IAPP: variants seen among roughly 807,000 people sequenced by gnomAD.
IAPP encodes the protein islet amyloid polypeptide.
A neutral mutation model predicts 2.9 loss-of-function variants in IAPP; 4 were observed. That is an observed-to-expected ratio of 1.39 (90% CI 0.69 to 3.19). IAPP has a LOEUF of 3.19. IAPP is among the 30% of genes most tolerant of loss of function. IAPP has a pLI of 0.01. For synonymous variants in IAPP, 40 were observed against 42.1 expected, an observed-to-expected ratio of 0.95 and a Z score of 0.19; for missense variants, 114 against 105.3, an observed-to-expected ratio of 1.08 and a Z score of -0.36.
chr12:21,374,288 A>C (rs1940024875), intron 2 of IAPP: 1 of 152,346 alleles, frequency 6.6e-6, no homozygotes, highest in Non-Finnish European at 1.5e-5. Context: ...TATGTGCATA[A>C]GTCATAAATA....
chr12:21,371,555 A>G (rs574141917), upstream of IAPP, among the ~76,000 whole-genome samples: 77 of 152,350 alleles, frequency 5.1e-4, no homozygotes, highest in Non-Finnish European at 9.8e-4. Context: ...TAAGAAGTAT[A>G]TGAAATCAAT....
At chr12:21,378,071 C>CA (rs907574630) in intron 2 of IAPP, among the ~76,000 whole-genome samples, 166 bp from the exon 3 acceptor site, 25 of 150,960 alleles carry the variant, frequency 1.7e-4, no homozygotes, top group Non-Finnish European at 2.4e-4. Flanking sequence ...TTCAAGGTGT[C>CA]AAAAAAAAAT....
At chr12:21,365,627 A>G (rs1281219355) in intron 1 of IAPP, among the ~76,000 whole-genome samples, 9 of 152,362 alleles carry the variant, frequency 5.9e-5, no homozygotes, top group Admixed American at 1.3e-4. Flanking sequence ...AGAATGGGAG[A>G]AAATTTTTAC....
intron 1 of IAPP, among the ~76,000 whole-genome samples, chr12:21,365,092 G>T (rs1017489131): frequency 1.3e-5 from 2 of 151,912 alleles, no homozygotes; most frequent in Non-Finnish European, 2.9e-5. Flanking sequence ...TTGCCAATAC[G>T]ATCCTAAGCC....
At chr12:21,364,717 G>C (rs1190245419) in intron 1 of IAPP, among the ~76,000 whole-genome samples, 1 of 152,014 alleles carries the variant, frequency 6.6e-6, no homozygotes, top group Admixed American at 6.6e-5. Context: ...TACAAACTCA[G>C]TGTGCAAAAT....
At chr12:21,366,663 A>G (rs1292204927) in intron 1 of IAPP, among the ~76,000 whole-genome samples, 1 of 152,102 alleles carries the variant, frequency 6.6e-6, no homozygotes, top group Non-Finnish European at 1.5e-5. Flanking sequence ...AGAAAAGAGA[A>G]AGCTGTAAAT....
chr12:21,359,462 G>A (rs1469892847), intron 1 of IAPP, among the ~76,000 whole-genome samples: 1 of 151,948 alleles, frequency 6.6e-6, no homozygotes, highest in East Asian at 1.9e-4. Flanking sequence ...TGATATTTGG[G>A]AGTCTCCCAG....
At chr12:21,367,837 ATAAAG>A in intron 1 of IAPP, among the ~76,000 whole-genome samples, 1 of 152,102 alleles carries the variant, frequency 6.6e-6, no homozygotes. Context: ...CAAAATACAT[ATAAAG>A]TATATTTCAA....
At chr12:21,358,141 C>A (rs1938522101) in intron 1 of IAPP, among the ~76,000 whole-genome samples, 2 of 152,068 alleles carry the variant, frequency 1.3e-5, no homozygotes, top group Admixed American at 6.6e-5. Flanking sequence ...TTAAAAATGT[C>A]TGTGCTACAT....
chr12:21,370,195 C>T (rs1402683025), upstream of IAPP, among the ~76,000 whole-genome samples: 1 of 152,088 alleles, frequency 6.6e-6, no homozygotes, highest in Non-Finnish European at 1.5e-5. Context: ...TTCTTTGAAT[C>T]TCATTTTCAT....
At chr12:21,364,025 G>A (rs988087500) in intron 1 of IAPP, among the ~76,000 whole-genome samples, 1 of 152,116 alleles carries the variant, frequency 6.6e-6, no homozygotes, top group African/African-American at 2.4e-5. Context: ...GAAAAAGAGG[G>A]AATCCTCCCT....
rs1284655203 is a variant in IAPP, at chr12:21,366,093, T to C, written c.-15-7244T>C. On this transcript the variant is annotated intron_variant, in intron 1 of 2. Coordinates refer to the IAPP transcript ENST00000539393. Reference sequence around the variant, plus strand: ...TAAATCATGCTGCTATAAAGACACATGCATACGTATGTTTATTGCAGCACT... The same window carrying C: ...TAAATCATGCTGCTATAAAGACACACGCATACGTATGTTTATTGCAGCACT... 1.1e-4 allele frequency among the ~76,000 whole-genome samples: 17 copies of C among 152,268 alleles called. No individual in the cohort carries two copies. In the East Asian group the frequency reaches 3.1e-3, roughly 28 times the overall value.
intron 1 of IAPP, among the ~76,000 whole-genome samples, chr12:21,359,897 C>G (rs1938690969): frequency 1.3e-5 from 2 of 152,092 alleles, no homozygotes; most frequent in South Asian, 4.1e-4. Flanking sequence ...AACCCGAAGT[C>G]CATTAACAAA....
chr12:21,360,207 A>C (rs1313999689), intron 1 of IAPP, among the ~76,000 whole-genome samples: 1 of 152,216 alleles, frequency 6.6e-6, no homozygotes, highest in African/African-American at 2.4e-5. Context: ...ACATTTTAGA[A>C]GGATGGAAAT....
intron 1 of IAPP, among the ~76,000 whole-genome samples, chr12:21,356,181 T>C (rs1158391503): frequency 6.6e-6 from 1 of 152,058 alleles, no homozygotes; most frequent in Non-Finnish European, 1.5e-5. Flanking sequence ...AGTTTCACCA[T>C]ATATTTTTAA....
rs1565523377 is a variant in IAPP at position 21,378,508 on chromosome 12, G to A, written c.*82G>A. 1.8e-6 allele frequency: 2 copies of A among 1,119,002 alleles called. No individual in the cohort carries two copies. Among genetic ancestry groups the A allele is most frequent in the Non-Finnish European group, 2.7e-6 (2 of 735,064 alleles). The allele number at this position is 1,119,002 out of a possible 1,614,324, so 69.3% of individuals were successfully genotyped here. ...TAACAGTGCCCTTTTCATCTCCAGT[G>A]TGAATATATGGTCTGTGTGTCTGAT... On this transcript the variant is annotated 3_prime_UTR_variant, in exon 3 of 3. Transcript: ENST00000240652.
chr12:21,377,569 CT>C (rs57102796), intron 2 of IAPP, among the ~76,000 whole-genome samples: 16 of 152,278 alleles, frequency 1.1e-4, no homozygotes, highest in Non-Finnish European at 1.6e-4. Flanking sequence ...CTATTTCCCC[CT>C]CTCCCTTGCC....
intron 1 of IAPP, among the ~76,000 whole-genome samples, chr12:21,364,306 A>T (rs1358473624): frequency 2.0e-5 from 3 of 152,246 alleles, no homozygotes; most frequent in Non-Finnish European, 4.4e-5. Context: ...CCACATGATT[A>T]TCTCAATAGA....
chr12:21,360,402 C>T (rs1938744480), intron 1 of IAPP, among the ~76,000 whole-genome samples: 1 of 152,118 alleles, frequency 6.6e-6, no homozygotes, highest in African/African-American at 2.4e-5. Flanking sequence ...TTAAAGAAAG[C>T]TCCAATAAGA....
Sources: allele counts gnomAD v4.1 joint callset (sites outside exome capture counted in the v4.1 genomes callset), GRCh38; gene constraint gnomAD v4.1.1; transcripts MANE v1.5; gene names NCBI Gene and HGNC (gene_info 2026-07-23, HGNC 2026-07-21).